Variants in MZT1 observed in about 807,000 individuals in gnomAD.
MZT1 encodes the protein mitotic spindle organizing protein 1, also known as mitotic-spindle organizing protein 1.
A neutral mutation model predicts 8.5 loss-of-function variants in MZT1; 8 were observed. The ratio of observed to expected loss-of-function variants is 0.94; its 90% CI spans 0.55 to 1.70. The LOEUF (loss-of-function observed/expected upper bound fraction) is 1.70. Ranked by LOEUF, MZT1 falls within the 40% of genes most tolerant of loss-of-function variation. The pLI is 0.00. For missense variants in MZT1, 93 were observed against 108.6 expected, an observed-to-expected ratio of 0.86 and a Z score of 0.64; for synonymous variants, 38 against 42.0, an observed-to-expected ratio of 0.90 and a Z score of 0.37.
intron 1 of MZT1, among the ~76,000 whole-genome samples, chr13:72,720,756 C>T (rs1293665924): frequency 6.6e-6 from 1 of 152,092 alleles, no homozygotes; most frequent in Non-Finnish European, 1.5e-5. Flanking sequence ...GGCAAGGTGG[C>T]GCATGCCTGT....
chr13:72,726,744 G>GAA (rs35019188), intron 1 of MZT1, among the ~76,000 whole-genome samples: 17,546 of 132,038 alleles, frequency 0.13, 1,401 homozygotes, highest in Non-Finnish European at 0.18. Context: ...TTATTTTACA[G>GAA]AAAAAAAAAA....
At chr13:72,711,719 G>GA (rs1363376329) in intron 2 of MZT1, among the ~76,000 whole-genome samples, 3 of 148,328 alleles carry the variant, frequency 2.0e-5, no homozygotes, top group African/African-American at 7.4e-5. Context: ...AAAAAAATGA[G>GA]AAAAAAATTC....
chr13:72,727,434 G>A (rs905479917), intron 1 of MZT1, 90 bp downstream of exon 1: 1 of 1,286,200 alleles, frequency 7.8e-7, no homozygotes, highest in South Asian at 1.2e-5. Context: ...GGCACTAAGG[G>A]GACCTGAAGT....
rs2032472846 is a variant in MZT1, at chr13:72,710,005, C to G, written c.*317G>C. ...TTCAACCTGGCACAGCAGATGTGCA[C>G]ATCTGATAGACAGACTGCTTAGAAA... On this transcript the variant is annotated 3_prime_UTR_variant, in exon 3 of 3. Coordinates refer to ENST00000377818, the MANE Select transcript of MZT1 (RefSeq NM_001071775.3). 3.2e-6 allele frequency: 1 copy of G among 314,014 alleles called. No homozygotes were observed. The highest frequency in any genetic ancestry group is 5.9e-6 in the Non-Finnish European group (1 of 170,046). The allele number at this position is 314,014 out of a possible 1,614,324, so 19.5% of individuals were successfully genotyped here.
At chr13:72,720,548 A>T (rs955429561) in intron 1 of MZT1, among the ~76,000 whole-genome samples, 1 of 152,210 alleles carries the variant, frequency 6.6e-6, no homozygotes, top group Non-Finnish European at 1.5e-5. Context: ...TTCATGAGAT[A>T]GGTCCCTCCC....
Position 72,708,907 on chromosome 13 carries a change from C to CA in MZT1, c.*1414dup, listed in dbSNP as rs2032459034. 2 of 148,382 alleles carry CA rather than the reference C, an allele frequency of 1.3e-5. No homozygotes were observed. The highest frequency in any genetic ancestry group is 1.3e-4 in the Admixed American group (2 of 14,882). 9.2% of individuals were successfully genotyped at this position (148,382 alleles called of 1,614,324 possible). On this transcript the variant is annotated 3_prime_UTR_variant, in exon 3 of 3. Transcript: ENST00000377818. ...AAACCACTTCAGCTTGTCTGAAAAA[C>CA]AAAAAATGCTAGTAAAGAGTGAATG...
At chr13:72,711,326 A>G (rs2032487008) in intron 2 of MZT1, among the ~76,000 whole-genome samples, 2 of 152,194 alleles carry the variant, frequency 1.3e-5, no homozygotes, top group Non-Finnish European at 2.9e-5. Flanking sequence ...GCTGTGGGAG[A>G]TATGTATAAA....
chr13:72,719,170 TA>T, intron 1 of MZT1, 73 bp from the exon 2 acceptor site: 2 of 1,197,942 alleles, frequency 1.7e-6, no homozygotes, highest in Non-Finnish European at 2.2e-6. Flanking sequence ...GTACTTTCAT[TA>T]ATTTATATAT....
chr13:72,710,758 G>A (rs910699917), intron 2 of MZT1, among the ~76,000 whole-genome samples: 1 of 151,964 alleles, frequency 6.6e-6, no homozygotes, highest in African/African-American at 2.4e-5. Flanking sequence ...GATGAATAAT[G>A]AACATCTTAT....
intron 1 of MZT1, among the ~76,000 whole-genome samples, chr13:72,720,911 A>C (rs2032586988): frequency 7.2e-6 from 1 of 139,022 alleles, no homozygotes; most frequent in Non-Finnish European, 1.6e-5. Flanking sequence ...AAACAAACAA[A>C]AATAGCAGTT....
chr13:72,724,736 A>G lies in MZT1; in HGVS notation c.79+2788T>C, dbSNP rs1395896100. On this transcript the variant is annotated intron_variant, in intron 1 of 2. Coordinates refer to ENST00000377818, the MANE Select transcript of MZT1 (RefSeq NM_001071775.3). ...TATATATACATATATATATATATAT[A>G]TATACACATATATATATGTAAAGTG... is the stretch of plus-strand genomic sequence containing the variant. Among the ~76,000 whole-genome samples the G allele has an allele frequency of 1.7e-3, 60 of 35,282 alleles. 2 individuals carry two copies. The highest frequency in any genetic ancestry group is 8.5e-3 in the East Asian group (6 of 710). The allele number at this position is 35,282 out of a possible 152,430, so 23.1% of individuals were successfully genotyped here.
chr13:72,713,438 T>C (rs2032506448), intron 2 of MZT1, among the ~76,000 whole-genome samples: 4 of 152,290 alleles, frequency 2.6e-5, no homozygotes, highest in East Asian at 1.9e-4. Context: ...AAATGCCTTA[T>C]ATAAAAGGGT....
intron 2 of MZT1, among the ~76,000 whole-genome samples, chr13:72,717,755 C>T (rs1214652234): frequency 6.6e-6 from 1 of 152,190 alleles, no homozygotes; most frequent in Non-Finnish European, 1.5e-5. Flanking sequence ...TAGCAACATT[C>T]TGATCCTAAT....
Position 72,710,140 on chromosome 13 carries a change from A to T in MZT1, c.*182T>A, listed in dbSNP as rs2032474206. On this transcript the variant is annotated 3_prime_UTR_variant, in exon 3 of 3. Coordinates refer to ENST00000377818, the MANE Select transcript of MZT1 (RefSeq NM_001071775.3). ...ATAAGATGTGATGTAAACACATCTGATAGTTCTCTCTGTAAGCCACTTTCC... is the reference window on the plus strand; with the variant it reads ...ATAAGATGTGATGTAAACACATCTGTTAGTTCTCTCTGTAAGCCACTTTCC... 1.6e-6 allele frequency: 1 copy of T among 608,794 alleles called. No individual in the cohort carries two copies. Among genetic ancestry groups the T allele is most frequent in the African/African-American group, 1.9e-5 (1 of 53,300 alleles). 37.7% of individuals were successfully genotyped at this position (608,794 alleles called of 1,614,324 possible).
In MZT1 at chr13:72,710,760, A is replaced by G. The variant is rs187399818; in HGVS notation, c.226-415T>C. Among the ~76,000 whole-genome samples the G allele has an allele frequency of 1.5e-3, 232 of 152,180 alleles. 2 individuals carry two copies. The highest frequency in any genetic ancestry group is 5.1e-3 in the African/African-American group (211 of 41,544). ...AACAAGAGCAAAAGATGAATAATGA[A>G]CATCTTATCTAATCCTGTCTCATCT... On this transcript the variant is annotated intron_variant, in intron 2 of 2. Coordinates refer to ENST00000377818, the MANE Select transcript of MZT1 (RefSeq NM_001071775.3).
chr13:72,712,242 G>T (rs944594051), intron 2 of MZT1, among the ~76,000 whole-genome samples: 1 of 152,160 alleles, frequency 6.6e-6, no homozygotes, highest in Non-Finnish European at 1.5e-5. Context: ...ACAGCTTACT[G>T]CAGCCTCAAA....
intron 1 of MZT1, among the ~76,000 whole-genome samples, chr13:72,721,333 G>C (rs2032592015): frequency 6.6e-6 from 1 of 152,150 alleles, no homozygotes; most frequent in African/African-American, 2.4e-5. Context: ...AATGTCTTAT[G>C]AATTACAAAG....
At chr13:72,720,355 C>G (rs1038064289) in intron 1 of MZT1, among the ~76,000 whole-genome samples, 1 of 152,148 alleles carries the variant, frequency 6.6e-6, no homozygotes, top group African/African-American at 2.4e-5. Context: ...TTATATAAGC[C>G]ATTTTATTCT....
At position 72,722,574 on chromosome 13, in the gene MZT1, G is replaced by A. The variant is rs555420789; in HGVS notation, c.80-3477C>T. On this transcript the variant is annotated intron_variant, in intron 1 of 2. Coordinates refer to ENST00000377818, the MANE Select transcript of MZT1 (RefSeq NM_001071775.3). ...GTGGCCCATTCTAAGATAGGAAGCC[G>A]TACCCTAGCTTTAGGCCTCTAGATC... 2.6e-5 allele frequency among the ~76,000 whole-genome samples: 4 copies of A among 152,180 alleles called. No homozygotes were observed. In the South Asian group the frequency reaches 6.2e-4, roughly 24 times the overall value.
Sources: gnomAD v4.1 joint callset for allele counts (sites outside exome capture counted in the v4.1 genomes callset) on GRCh38, gnomAD v4.1.1 for gene constraint, MANE v1.5 for transcripts, NCBI Gene and HGNC (gene_info 2026-07-23, HGNC 2026-07-21) for gene names.